Variants in NKAIN3 observed in about 807,000 individuals in gnomAD.
The protein encoded by NKAIN3 is sodium/potassium transporting ATPase interacting 3.
A neutral mutation model predicts 30.2 loss-of-function variants in NKAIN3; 25 were observed. That is an observed-to-expected ratio of 0.83 (90% confidence interval 0.60 to 1.16). The LOEUF (loss-of-function observed/expected upper bound fraction) is 1.16. Ranked by LOEUF, NKAIN3 falls within the 50% of genes most tolerant of loss-of-function variation. The pLI, the probability that NKAIN3 is intolerant of heterozygous loss-of-function variation, is 0.00. For missense variants in NKAIN3, 225 were observed against 254.1 expected (o/e 0.89, Z 0.78); for synonymous variants, 91 against 89.6 (o/e 1.02, Z -0.09).
chr8:62,917,173 T>C (rs1822134568), intron 4 of NKAIN3, among the ~76,000 whole-genome samples: 1 of 152,076 alleles, frequency 6.6e-6, no homozygotes, highest in South Asian at 2.1e-4. Flanking sequence ...GCCCTGCCAA[T>C]TCCACCCAGT....
At chr8:62,751,381 G>A (rs1444968326) in intron 4 of NKAIN3, among the ~76,000 whole-genome samples, 5 of 152,190 alleles carry the variant, frequency 3.3e-5, no homozygotes, top group African/African-American at 9.7e-5. Flanking sequence ...TCCGGCGTTT[G>A]GGCCCCATAT....
chr8:62,341,809 C>G (rs1300077290), intron 1 of NKAIN3, among the ~76,000 whole-genome samples: 1 of 151,964 alleles, frequency 6.6e-6, no homozygotes, highest in African/African-American at 2.4e-5. Context: ...CATTGTGTTT[C>G]TCTTTTTCAC....
intron 4 of NKAIN3, among the ~76,000 whole-genome samples, chr8:62,802,877 G>A (rs1433231554): frequency 7.2e-5 from 11 of 152,188 alleles, no homozygotes; most frequent in Middle Eastern, 6.8e-3. Flanking sequence ...CCCATCTCAC[G>A]TGCAGAGACA....
intron 1 of NKAIN3, among the ~76,000 whole-genome samples, chr8:62,291,861 G>A (rs1329129073): frequency 6.6e-6 from 1 of 152,136 alleles, no homozygotes; most frequent in Admixed American, 6.5e-5. Flanking sequence ...TTATTATTGT[G>A]TGGGAGTCTG....
intron 3 of NKAIN3, among the ~76,000 whole-genome samples, chr8:62,629,707 A>T (rs575797536): frequency 2.0e-5 from 3 of 152,296 alleles, no homozygotes; most frequent in Non-Finnish European, 4.4e-5. Flanking sequence ...TCATCACTCT[A>T]AAAAATTAAA....
chr8:62,635,670 G>C (rs1439920524), intron 3 of NKAIN3, among the ~76,000 whole-genome samples: 1 of 152,118 alleles, frequency 6.6e-6, no homozygotes, highest in Non-Finnish European at 1.5e-5. Flanking sequence ...TGTGAAGATA[G>C]AGTGAGAAGG....
chr8:62,746,904 T>A, intron 3 of NKAIN3, 28 bp from the exon 4 acceptor site: 2 of 1,528,046 alleles, frequency 1.3e-6, no homozygotes, highest in Non-Finnish European at 1.8e-6. Context: ...ATTTCCTCAT[T>A]TTGCTCTTTT....
At chr8:62,820,379 A>T (rs961466579) in intron 4 of NKAIN3, among the ~76,000 whole-genome samples, 3 of 152,166 alleles carry the variant, frequency 2.0e-5, no homozygotes, top group Non-Finnish European at 4.4e-5. Context: ...CAACTAATTC[A>T]GTTAAGACTT....
intron 3 of NKAIN3, among the ~76,000 whole-genome samples, chr8:62,732,892 A>G (rs1044704058): frequency 2.6e-5 from 4 of 152,084 alleles, no homozygotes; most frequent in African/African-American, 9.7e-5. Context: ...AATGACACAT[A>G]GCTGAAATTT....
At chr8:62,688,541 T>C (rs920331201) in intron 3 of NKAIN3, among the ~76,000 whole-genome samples, 1 of 152,140 alleles carries the variant, frequency 6.6e-6, no homozygotes, top group African/African-American at 2.4e-5. Context: ...GAATAAACCC[T>C]GGTAGTATAG....
rs1823687517 is a variant in NKAIN3, at chr8:62,965,576, T to C, written c.*169T>C. On this transcript the variant is annotated 3_prime_UTR_variant, in exon 7 of 7. Coordinates refer to ENST00000623646, the MANE Select transcript of NKAIN3 (RefSeq NM_001304533.3). ...GATGAGTTCTAGGTGCTTGGGTGGG[T>C]ATTTTTTTAGTCGTTTTCTTCTTAT... is the stretch of plus-strand genomic sequence containing the variant. The C allele has an allele frequency of 4.1e-6, 4 of 982,422 alleles. No individual in the cohort carries two copies. Among genetic ancestry groups the C allele is most frequent in the African/African-American group, 1.8e-5 (1 of 56,504 alleles). The allele number at this position is 982,422 out of a possible 1,614,324, so 60.9% of individuals were successfully genotyped here.
chr8:62,586,570 A>T (rs578252006), intron 2 of NKAIN3, among the ~76,000 whole-genome samples: 1 of 152,120 alleles, frequency 6.6e-6, no homozygotes, highest in African/African-American at 2.4e-5. Flanking sequence ...CATATTGTAT[A>T]TGATATTATA....
intron 3 of NKAIN3, among the ~76,000 whole-genome samples, chr8:62,683,888 C>T (rs940750175): frequency 6.6e-6 from 1 of 152,116 alleles, no homozygotes; most frequent in South Asian, 2.1e-4. Flanking sequence ...TGGATGGTCT[C>T]GCTGTTGACC....
chr8:62,693,403 G>T (rs1374221434), intron 3 of NKAIN3, among the ~76,000 whole-genome samples: 2 of 152,110 alleles, frequency 1.3e-5, no homozygotes. Context: ...ACCTTTTTAT[G>T]CACTAGACCC....
chr8:62,918,181 A>G (rs554059200), intron 4 of NKAIN3, among the ~76,000 whole-genome samples: 10 of 152,352 alleles, frequency 6.6e-5, no homozygotes, highest in Non-Finnish European at 1.3e-4. Flanking sequence ...TGATTATAAA[A>G]TACAGGAACT....
intron 4 of NKAIN3, among the ~76,000 whole-genome samples, chr8:62,761,406 G>T (rs77465568): frequency 2.6e-5 from 4 of 152,126 alleles, no homozygotes; most frequent in Non-Finnish European, 5.9e-5. Context: ...GAATCAGAAG[G>T]GTGGTTCACA....
intron 4 of NKAIN3, among the ~76,000 whole-genome samples, chr8:62,844,811 C>G (rs960362159): frequency 2.0e-5 from 3 of 152,036 alleles, no homozygotes; most frequent in Admixed American, 2.0e-4. Context: ...CATTTGGGCT[C>G]CCATAAATGC....
At chr8:62,919,525 G>T (rs1258071798) in intron 5 of NKAIN3, among the ~76,000 whole-genome samples, 1 of 151,980 alleles carries the variant, frequency 6.6e-6, no homozygotes, top group African/African-American at 2.4e-5. Flanking sequence ...GATTACAGGC[G>T]TCAGCCACCA....
At chr8:62,518,921 A>G (rs77724006) in intron 1 of NKAIN3, among the ~76,000 whole-genome samples, 394 of 152,260 alleles carry the variant, frequency 2.6e-3, no homozygotes, top group Non-Finnish European at 4.5e-3. Context: ...TGGTTCTACT[A>G]TGAAGGGATT....
Sources: allele counts gnomAD v4.1 joint callset (sites outside exome capture counted in the v4.1 genomes callset), GRCh38; gene constraint gnomAD v4.1.1; transcripts MANE v1.5; gene names NCBI Gene and HGNC (gene_info 2026-07-23, HGNC 2026-07-21).